MGRN1: variants seen among roughly 807,000 people sequenced by gnomAD.
MGRN1 encodes the protein mahogunin ring finger 1.
A neutral mutation model predicts 69.2 loss-of-function variants in MGRN1; 29 were observed. The observed-to-expected ratio is 0.42, with a 90% CI of 0.31 to 0.57. The LOEUF (loss-of-function observed/expected upper bound fraction) is 0.57, where lower values mean the gene tolerates loss of function less well. Among genes scored for constraint, MGRN1 ranks in the 20% least tolerant of loss-of-function variants. MGRN1 has a pLI of 0.15. For synonymous variants in MGRN1, 470 were observed against 344.2 expected (o/e 1.37, Z -4.04); for missense variants, 998 against 796.2 (o/e 1.25, Z -3.05).
chr16:4,638,363 G>A lies in MGRN1; in HGVS notation c.89-12002G>A, dbSNP rs530168100. Among the ~76,000 whole-genome samples the A allele has an allele frequency of 1.2e-3, 176 of 152,204 alleles. 3 individuals are homozygous for A. Among genetic ancestry groups the A allele is most frequent in the Non-Finnish European group, 1.6e-3 (108 of 68,004 alleles). On this transcript the variant is annotated intron_variant, in intron 1 of 16. Transcript: ENST00000262370. ...GCCTGTAATCTCAGCTATTTGGAAG[G>A]CTGAGGCAGGAGAATCACCTGAACC... is the stretch of plus-strand genomic sequence containing the variant.
chr16:4,657,142 A>G (rs2078562785), intron 4 of MGRN1, 104 bp from the exon 5 acceptor site: 2 of 1,118,212 alleles, frequency 1.8e-6, no homozygotes, highest in African/African-American at 1.5e-5. Context: ...AGGGTCCCCA[A>G]AAGACAGGTG....
intron 2 of MGRN1, among the ~76,000 whole-genome samples, chr16:4,651,461 G>T (rs1017601459): frequency 1.6e-4 from 24 of 152,292 alleles, no homozygotes; most frequent in African/African-American, 5.8e-4. Flanking sequence ...GTGGGAAGGG[G>T]GCCCCTCCAG....
chr16:4,638,115 G>T (rs1332125031), intron 1 of MGRN1, among the ~76,000 whole-genome samples: 1 of 152,124 alleles, frequency 6.6e-6, no homozygotes, highest in African/African-American at 2.4e-5. Context: ...GTGTTAATTG[G>T]CATTTTTTAT....
intron 9 of MGRN1, among the ~76,000 whole-genome samples, chr16:4,671,999 G>C (rs545314693): frequency 6.6e-6 from 1 of 152,278 alleles, no homozygotes; most frequent in East Asian, 1.9e-4. Flanking sequence ...TCCGCCTCCC[G>C]GGTTCAAGCG....
At chr16:4,642,466 T>TGTGTGTGTG (rs2078180936) in intron 1 of MGRN1, among the ~76,000 whole-genome samples, 1 of 141,732 alleles carries the variant, frequency 7.1e-6, no homozygotes, top group African/African-American at 2.7e-5. Flanking sequence ...GCCAGCTAAT[T>TGTGTGTGTG]TGTGTGTGTG....
chr16:4,677,866 A>C (rs1596312656), intron 11 of MGRN1, among the ~76,000 whole-genome samples: 1 of 126,850 alleles, frequency 7.9e-6, no homozygotes, highest in African/African-American at 3.0e-5. Flanking sequence ...TTTTTGAGGC[A>C]GGGTCTCGGT....
chr16:4,676,748 G>A (rs2079061875), intron 10 of MGRN1, among the ~76,000 whole-genome samples: 1 of 152,204 alleles, frequency 6.6e-6, no homozygotes, highest in Non-Finnish European at 1.5e-5. Context: ...GGGCCCTTGT[G>A]TGAGCAGGAC....
intron 10 of MGRN1, among the ~76,000 whole-genome samples, chr16:4,674,830 C>T (rs1391423288): frequency 4.1e-5 from 6 of 145,600 alleles, no homozygotes; most frequent in Non-Finnish European, 9.0e-5. Context: ...TTAGTAGAGA[C>T]GGGGTTTCAC....
chr16:4,629,870 A>G (rs550025336), intron 1 of MGRN1, among the ~76,000 whole-genome samples: 2 of 151,602 alleles, frequency 1.3e-5, no homozygotes. Context: ...ACAAGGTGAA[A>G]CCTCGTCTCT....
At position 4,625,065 on chromosome 16, in the gene MGRN1, A is replaced by G. The variant is rs758039578; in HGVS notation, c.88+17A>G. The G allele has an allele frequency of 6.5e-7, 1 of 1,529,058 alleles. No homozygotes were observed. The highest frequency in any genetic ancestry group is 1.4e-5 in the African/African-American group (1 of 69,782). The allele number at this position is 1,529,058 out of a possible 1,614,324, so 94.7% of individuals were successfully genotyped here. A position where few individuals can be genotyped will look rare whatever the true frequency, so the allele number is the denominator to read the frequency against. On this transcript the variant is annotated intron_variant, in intron 1 of 16. Coordinates refer to ENST00000262370, the MANE Select transcript of MGRN1 (RefSeq NM_015246.4). ...CGAAGTCCGGTGAGCGCCCGGCCCC[A>G]GGCGCGGACTGCTAGGCACGCGCTG...
chr16:4,630,295 C>T (rs1897932710), intron 1 of MGRN1, among the ~76,000 whole-genome samples: 1 of 147,324 alleles, frequency 6.8e-6, no homozygotes, highest in East Asian at 2.0e-4. Context: ...GCAGAGGTTG[C>T]AGTGAGCCGA....
At chr16:4,665,943 C>T (rs866569665) in intron 7 of MGRN1, among the ~76,000 whole-genome samples, 2 of 152,018 alleles carry the variant, frequency 1.3e-5, no homozygotes, top group South Asian at 2.1e-4. Context: ...CATTCTCCTC[C>T]CTCAGCCTCC....
rs534953858 is a variant in MGRN1 at position 4,686,694 on chromosome 16, C to T, written c.1619-2102C>T. 3.3e-4 allele frequency: 343 copies of T among 1,035,042 alleles called. 1 individual carries two copies. Among genetic ancestry groups the T allele is most frequent in the Middle Eastern group, 1.4e-3 (3 of 2,166 alleles). 64.1% of individuals were successfully genotyped at this position (1,035,042 alleles called of 1,614,324 possible). On this transcript the variant is annotated intron_variant, in intron 16 of 16. Transcript: ENST00000262370. ...ATGAGGGCAGCACCGTGGAGGGAAC[C>T]CCAGGGAGACATGGGGTGAGCGTCC...
intron 1 of MGRN1, among the ~76,000 whole-genome samples, chr16:4,625,698 A>G (rs932194635): frequency 6.6e-6 from 1 of 152,224 alleles, no homozygotes; most frequent in African/African-American, 2.4e-5. Context: ...GCTGGATGGA[A>G]GCATAGTTGG....
chr16:4,678,976 A>G lies in MGRN1; in HGVS notation c.1066-1056A>G, dbSNP rs75900136. On this transcript the variant is annotated intron_variant, in intron 11 of 16. Transcript: ENST00000262370. ...GTCTGGAATTTCCCTTAAAACCCAG[A>G]TTTTGGGTTTGTCTTTTAAAATCTG... Among the ~76,000 whole-genome samples, 539 of 152,316 alleles carry G rather than the reference A, an allele frequency of 3.5e-3. 5 individuals are homozygous for G. The highest frequency in any genetic ancestry group is 0.012 in the African/African-American group (510 of 41,570).
intron 16 of MGRN1, chr16:4,688,381 G>C (rs1371683765): frequency 2.0e-6 from 2 of 1,003,380 alleles, no homozygotes; most frequent in African/African-American, 3.4e-5. Context: ...ACCCAGGGCC[G>C]CTCCCCACCC....
intron 1 of MGRN1, among the ~76,000 whole-genome samples, chr16:4,639,071 T>C (rs2078100739): frequency 6.6e-6 from 1 of 152,120 alleles, no homozygotes; most frequent in South Asian, 2.1e-4. Context: ...ACCGGGCCAG[T>C]TTCCCTGACT....
At position 4,688,053 on chromosome 16, in the gene MGRN1, C is replaced by T. The variant is rs546860667; in HGVS notation, c.1619-743C>T. 191 of 985,536 alleles carry T rather than the reference C, an allele frequency of 1.9e-4. No individual in the cohort carries two copies. In the South Asian group the frequency reaches 3.4e-3, roughly 18 times the overall value. 61.0% of individuals were successfully genotyped at this position (985,536 alleles called of 1,614,324 possible). A position where few individuals can be genotyped will look rare whatever the true frequency, so the allele number is the denominator to read the frequency against. On this transcript the variant is annotated intron_variant, in intron 16 of 16. Coordinates refer to ENST00000262370, the MANE Select transcript of MGRN1 (RefSeq NM_015246.4). ...GTGTGATCTAGAACAGGGCTCACAG[C>T]CTCGGAAACCTGCTCTCGCCGCGGC... is the stretch of plus-strand genomic sequence containing the variant.
At position 4,683,911 on chromosome 16, in the gene MGRN1, C is replaced by T. The variant is rs1470573086; in HGVS notation, c.1597C>T (p.Pro533Ser). ...SSPEHCGRGP[P>S]ADIYLPGRPT... Reference sequence around the variant, plus strand: ...CCCCGAGCACTGTGGCCGAGGCCCACCTGCTGACATCTACCTGCCAGGTAA... The same window carrying T: ...CCCCGAGCACTGTGGCCGAGGCCCATCTGCTGACATCTACCTGCCAGGTAA... The change falls in exon 16 of 17, where the codon CCT becomes TCT. Residue 533 changes from proline to serine, a missense_variant. Physicochemically the swap from Pro to Ser is moderately conservative, Grantham distance 74 (BLOSUM62 -1). Transcript: ENST00000262370. 1.2e-6 allele frequency: 2 copies of T among 1,611,882 alleles called. No individual in the cohort carries two copies. Among genetic ancestry groups the T allele is most frequent in the Non-Finnish European group, 8.5e-7 (1 of 1,179,458 alleles).
Sources: allele counts gnomAD v4.1 joint callset (sites outside exome capture counted in the v4.1 genomes callset), GRCh38; gene constraint gnomAD v4.1.1; transcripts MANE v1.5; gene names NCBI Gene and HGNC (gene_info 2026-07-23, HGNC 2026-07-21).